MMS22L: variants seen among roughly 807,000 people sequenced by gnomAD.
MMS22L encodes MMS22 like, DNA repair protein, also known as protein MMS22-like.
MMS22L carries 74 observed loss-of-function variants against 159.1 expected under a neutral mutation model. The observed-to-expected ratio is 0.47, with a 90% CI of 0.39 to 0.56. MMS22L has a LOEUF of 0.56. Ranked by LOEUF, MMS22L falls within the 20% of genes least tolerant of loss-of-function variation. The pLI is 0.00. For synonymous variants in MMS22L, 517 were observed against 506.9 expected (o/e 1.02, Z -0.27); for missense variants, 1,351 against 1,422.1 (o/e 0.95, Z 0.80).
chr6:97,248,647 G>T (rs1197494343), intron 10 of MMS22L, among the ~76,000 whole-genome samples: 1 of 152,034 alleles, frequency 6.6e-6, no homozygotes, highest in African/African-American at 2.4e-5. Flanking sequence ...ATCACTTGAG[G>T]TCAGGAGTTC....
chr6:97,181,180 A>G (rs1804667388), intron 16 of MMS22L, among the ~76,000 whole-genome samples: 5 of 152,188 alleles, frequency 3.3e-5, no homozygotes. Context: ...AGAAAAAATA[A>G]ACAGAGAAGT....
chr6:97,250,422 T>C (rs993819858), intron 10 of MMS22L, among the ~76,000 whole-genome samples: 3 of 152,212 alleles, frequency 2.0e-5, no homozygotes, highest in Non-Finnish European at 4.4e-5. Flanking sequence ...CTAGCCTGAC[T>C]AATTGCATTA....
intron 14 of MMS22L, among the ~76,000 whole-genome samples, chr6:97,191,661 C>G (rs557898275): frequency 4.6e-5 from 7 of 152,010 alleles, no homozygotes; most frequent in African/African-American, 1.7e-4. Flanking sequence ...GTAATTATTC[C>G]AAGTATCTTA....
At chr6:97,210,468 T>G (rs1401617314) in intron 14 of MMS22L, among the ~76,000 whole-genome samples, 1 of 151,918 alleles carries the variant, frequency 6.6e-6, no homozygotes, top group Non-Finnish European at 1.5e-5. Flanking sequence ...TATATGAAAT[T>G]TAATCTGACT....
chr6:97,142,626 TATC>T lies in MMS22L; in HGVS notation c.*4177_*4179del, dbSNP rs1176537701. The T allele has an allele frequency of 2.0e-5, 3 of 152,136 alleles. No homozygotes were observed. Among genetic ancestry groups the T allele is most frequent in the African/African-American group, 7.2e-5 (3 of 41,456 alleles). The allele number at this position is 152,136 out of a possible 1,614,324, so 9.4% of individuals were successfully genotyped here. ...GATTCAACTTTTGGTGAGGTTTCTG[TATC>T]TATTTACCTTTTAGACATGGGGAGA... On this transcript the variant is annotated 3_prime_UTR_variant, in exon 25 of 25. Coordinates refer to ENST00000683635, the MANE Select transcript of MMS22L (RefSeq NM_001350599.2).
chr6:97,239,013 A>C (rs1464297035), intron 11 of MMS22L, among the ~76,000 whole-genome samples: 1 of 150,362 alleles, frequency 6.7e-6, no homozygotes, highest in Non-Finnish European at 1.5e-5. Flanking sequence ...TAACTAGCCT[A>C]CCTATCAGAA....
chr6:97,275,759 C>G (rs1816186753), intron 4 of MMS22L, among the ~76,000 whole-genome samples: 1 of 152,192 alleles, frequency 6.6e-6, no homozygotes, highest in Non-Finnish European at 1.5e-5. Flanking sequence ...AATGCTAGCA[C>G]TTTAGGAGGC....
At chr6:97,231,252 G>A (rs1031013657) in intron 13 of MMS22L, 174 bp downstream of exon 13, 5 of 576,092 alleles carry the variant, frequency 8.7e-6, no homozygotes, top group South Asian at 4.6e-5. Flanking sequence ...ACCTACCAAC[G>A]TACAACTTGA....
At chr6:97,149,278 C>CA (rs1428165478) in intron 24 of MMS22L, among the ~76,000 whole-genome samples, 15 of 152,206 alleles carry the variant, frequency 9.9e-5, no homozygotes, top group Middle Eastern at 3.4e-3. Context: ...TACTCTAAAA[C>CA]AATTTCTTTA....
intron 11 of MMS22L, among the ~76,000 whole-genome samples, chr6:97,242,372 T>C (rs530682018): frequency 6.6e-6 from 1 of 152,206 alleles, no homozygotes; most frequent in African/African-American, 2.4e-5. Context: ...TTTCAAACTG[T>C]TGTTGTTTTA....
At chr6:97,222,698 A>C (rs1187002103) in intron 14 of MMS22L, among the ~76,000 whole-genome samples, 1 of 152,050 alleles carries the variant, frequency 6.6e-6, no homozygotes, top group African/African-American at 2.4e-5. Context: ...AGTAAAAATG[A>C]AAAAGGGGGA....
In MMS22L at chr6:97,268,212, G is replaced by A. The variant is rs574001003; in HGVS notation, c.698-210C>T. ...TTTCTTTTTTTTTTTTTTTTGAGGC[G>A]AGGTCTCTGTCACCCAGGCTGGAGT... On this transcript the variant is annotated intron_variant, in intron 7 of 24. Coordinates refer to ENST00000683635, the MANE Select transcript of MMS22L (RefSeq NM_001350599.2). Among the ~76,000 whole-genome samples the A allele has an allele frequency of 4.2e-5, 6 of 142,916 alleles. No individual in the cohort carries two copies. The South Asian group carries it at 6.6e-4, about 16-fold the overall frequency. 93.8% of individuals were successfully genotyped at this position (142,916 alleles called of 152,430 possible). A position where few individuals can be genotyped will look rare whatever the true frequency, so the allele number is the denominator to read the frequency against.
chr6:97,155,399 G>A (rs1409924856), intron 22 of MMS22L, among the ~76,000 whole-genome samples: 1 of 152,038 alleles, frequency 6.6e-6, no homozygotes, highest in Non-Finnish European at 1.5e-5. Context: ...GTGCCATGTT[G>A]GTTTGCTGCA....
At chr6:97,218,260 GA>G (rs1279958707) in intron 14 of MMS22L, among the ~76,000 whole-genome samples, 1 of 152,114 alleles carries the variant, frequency 6.6e-6, no homozygotes, top group Non-Finnish European at 1.5e-5. Flanking sequence ...AATAAACACA[GA>G]GATGAAATTC....
intron 3 of MMS22L, among the ~76,000 whole-genome samples, 181 bp downstream of exon 3, chr6:97,281,056 C>G (rs1164826803): frequency 6.6e-6 from 1 of 152,192 alleles, no homozygotes; most frequent in East Asian, 1.9e-4. Flanking sequence ...AAACGCAACT[C>G]ATTAAAACCA....
At chr6:97,251,761 A>G (rs1813258037) in intron 10 of MMS22L, among the ~76,000 whole-genome samples, 1 of 152,216 alleles carries the variant, frequency 6.6e-6, no homozygotes, top group South Asian at 2.1e-4. Flanking sequence ...AATAAAAGCA[A>G]TAATCTCCTC....
In MMS22L at chr6:97,149,821, C is replaced by A. The variant is rs772969651; in HGVS notation, c.3650+32G>T. 9 of 1,523,674 alleles carry A rather than the reference C, an allele frequency of 5.9e-6. No individual in the cohort carries two copies. The Admixed American group carries it at 8.3e-5, about 14-fold the overall frequency. The allele number at this position is 1,523,674 out of a possible 1,614,324, so 94.4% of individuals were successfully genotyped here. ...GAAATATAAATTTTATAATCACTGCCCCCCCCAATGTAATTAAATTATCAA... is the reference window on the plus strand; with the variant it reads ...GAAATATAAATTTTATAATCACTGCACCCCCCAATGTAATTAAATTATCAA... On this transcript the variant is annotated intron_variant, in intron 24 of 24. Coordinates refer to ENST00000683635, the MANE Select transcript of MMS22L (RefSeq NM_001350599.2).
intron 6 of MMS22L, 164 bp downstream of exon 6, chr6:97,272,540 C>T (rs1815851935): frequency 1.7e-6 from 1 of 589,846 alleles, no homozygotes. Context: ...TGTCATTTGC[C>T]CAAAAGCACA....
At chr6:97,150,588 G>A (rs751155695) in intron 23 of MMS22L, among the ~76,000 whole-genome samples, 1 of 152,016 alleles carries the variant, frequency 6.6e-6, no homozygotes, top group Non-Finnish European at 1.5e-5. Context: ...AAGCCACCTC[G>A]CTTAGTAAAT....
Sources: allele counts gnomAD v4.1 joint callset (sites outside exome capture counted in the v4.1 genomes callset), GRCh38; gene constraint gnomAD v4.1.1; transcripts MANE v1.5; gene names NCBI Gene and HGNC (gene_info 2026-07-23, HGNC 2026-07-21).